CLSTN2: variants seen among roughly 807,000 people sequenced by gnomAD.
CLSTN2 encodes the protein calsyntenin 2.
CLSTN2 carries 48 observed loss-of-function variants against 101.2 expected under a neutral mutation model. The ratio of observed to expected loss-of-function variants is 0.47; its 90% CI spans 0.38 to 0.60. The LOEUF (loss-of-function observed/expected upper bound fraction) is 0.60. Ranked by LOEUF, CLSTN2 falls within the 20% of genes least tolerant of loss-of-function variation. CLSTN2 has a pLI of 0.00. For synonymous variants in CLSTN2, 481 were observed against 463.6 expected (o/e 1.04, Z -0.48); for missense variants, 1,160 against 1,238.2 (o/e 0.94, Z 0.95).
intron 5 of CLSTN2, among the ~76,000 whole-genome samples, chr3:140,447,360 G>A (rs762824318): frequency 3.3e-5 from 5 of 152,262 alleles, no homozygotes; most frequent in East Asian, 1.9e-4. Flanking sequence ...CTCCCAGAGC[G>A]TGGGATGCCC....
At chr3:140,392,477 CA>C in intron 2 of CLSTN2, among the ~76,000 whole-genome samples, 1 of 152,160 alleles carries the variant, frequency 6.6e-6, no homozygotes, top group South Asian at 2.1e-4. Flanking sequence ...AATTGATTCA[CA>C]TAACCAAACA....
chr3:140,010,591 A>C (rs1379243967), intron 1 of CLSTN2, among the ~76,000 whole-genome samples: 1 of 152,190 alleles, frequency 6.6e-6, no homozygotes, highest in Non-Finnish European at 1.5e-5. Flanking sequence ...GACTAGGGTC[A>C]CAGGCTCCTC....
chr3:140,138,090 C>G (rs4683480), intron 1 of CLSTN2, among the ~76,000 whole-genome samples: 1 of 152,078 alleles, frequency 6.6e-6, no homozygotes, highest in South Asian at 2.1e-4. Context: ...CTAAATTACA[C>G]TTACCCTTGC....
chr3:140,257,811 T>C (rs2086617119), intron 2 of CLSTN2, among the ~76,000 whole-genome samples: 1 of 152,152 alleles, frequency 6.6e-6, no homozygotes, highest in African/African-American at 2.4e-5. Flanking sequence ...AAAAATGGCA[T>C]TGTCATGATT....
At chr3:140,056,854 C>G (rs756558069) in intron 1 of CLSTN2, among the ~76,000 whole-genome samples, 3 of 152,202 alleles carry the variant, frequency 2.0e-5, no homozygotes, top group Non-Finnish European at 4.4e-5. Context: ...AAATCATTTA[C>G]TTAAATGCTA....
intron 8 of CLSTN2, among the ~76,000 whole-genome samples, chr3:140,518,801 G>A (rs373682163): frequency 1.3e-5 from 2 of 152,214 alleles, no homozygotes; most frequent in Non-Finnish European, 2.9e-5. Flanking sequence ...GTCTGTCCAA[G>A]TGGGAGCTGC....
chr3:140,127,923 C>T (rs1241962185), intron 1 of CLSTN2, among the ~76,000 whole-genome samples: 1 of 152,136 alleles, frequency 6.6e-6, no homozygotes, highest in Non-Finnish European at 1.5e-5. Flanking sequence ...ACTTGTAAAT[C>T]TAAGTGCCAT....
chr3:139,994,872 G>C (rs1254572255), intron 1 of CLSTN2, among the ~76,000 whole-genome samples: 1 of 152,210 alleles, frequency 6.6e-6, no homozygotes, highest in Admixed American at 6.5e-5. Context: ...GTTTACAAGA[G>C]AAAGATGGTC....
chr3:140,339,464 G>T (rs1374564683), intron 2 of CLSTN2, among the ~76,000 whole-genome samples: 1 of 152,106 alleles, frequency 6.6e-6, no homozygotes, highest in Non-Finnish European at 1.5e-5. Context: ...AGCTAGAAGG[G>T]CCCTTCCATC....
intron 1 of CLSTN2, among the ~76,000 whole-genome samples, chr3:140,024,572 T>C (rs1576400692): frequency 6.6e-6 from 1 of 152,220 alleles, no homozygotes; most frequent in East Asian, 1.9e-4. Context: ...AACAACACCC[T>C]GCAGCTCAGG....
chr3:140,205,611 C>T (rs11718844), intron 2 of CLSTN2, among the ~76,000 whole-genome samples: 1 of 122,406 alleles, frequency 8.2e-6, no homozygotes, highest in Admixed American at 7.6e-5. Flanking sequence ...TTGTTTGGAC[C>T]TGACCCGCCC....
intron 1 of CLSTN2, among the ~76,000 whole-genome samples, chr3:140,159,909 G>T (rs1360976425): frequency 6.6e-6 from 1 of 152,110 alleles, no homozygotes; most frequent in Non-Finnish European, 1.5e-5. Context: ...ATTAGTGCAG[G>T]AATAGAAAAT....
intron 2 of CLSTN2, among the ~76,000 whole-genome samples, chr3:140,241,135 A>G (rs13090992): frequency 1.3e-5 from 2 of 152,222 alleles, no homozygotes; most frequent in African/African-American, 2.4e-5. Context: ...TTCAAAGAAA[A>G]CAAGAAAAGA....
intron 2 of CLSTN2, among the ~76,000 whole-genome samples, chr3:140,261,971 C>G (rs562800875): frequency 5.9e-4 from 90 of 152,256 alleles, no homozygotes; most frequent in African/African-American, 2.0e-3. Context: ...ATTTCAAGGT[C>G]AATCTTACCA....
intron 1 of CLSTN2, among the ~76,000 whole-genome samples, chr3:140,172,415 A>AT (rs931295345): frequency 1.5e-4 from 23 of 152,304 alleles, no homozygotes; most frequent in African/African-American, 5.5e-4. Context: ...GCTAGAACCC[A>AT]TCAAACAAGA....
At chr3:140,070,721 A>C (rs2008377604) in intron 1 of CLSTN2, among the ~76,000 whole-genome samples, 2 of 152,134 alleles carry the variant, frequency 1.3e-5, no homozygotes, top group South Asian at 4.2e-4. Context: ...TTCCAAAATG[A>C]TACTATGGCT....
chr3:140,329,284 G>A (rs2087359727), intron 2 of CLSTN2, among the ~76,000 whole-genome samples: 1 of 152,244 alleles, frequency 6.6e-6, no homozygotes, highest in East Asian at 1.9e-4. Context: ...ACCTACTCAG[G>A]AAGGTGAGGC....
At chr3:140,544,056 C>G (rs1935538273) in intron 9 of CLSTN2, among the ~76,000 whole-genome samples, 1 of 152,218 alleles carries the variant, frequency 6.6e-6, no homozygotes, top group Non-Finnish European at 1.5e-5. Context: ...ATTGGAAAGA[C>G]AACCACAGGG....
intron 8 of CLSTN2, among the ~76,000 whole-genome samples, chr3:140,482,905 A>C (rs1934151210): frequency 6.6e-6 from 1 of 152,022 alleles, no homozygotes; most frequent in Non-Finnish European, 1.5e-5. Flanking sequence ...TCCTGGATTC[A>C]TTGATTTTTT....
Sources: allele counts gnomAD v4.1 joint callset (sites outside exome capture counted in the v4.1 genomes callset), GRCh38; gene constraint gnomAD v4.1.1; transcripts MANE v1.5; gene names NCBI Gene and HGNC (gene_info 2026-07-23, HGNC 2026-07-21).